Variants in DCHS2 observed in about 807,000 individuals in gnomAD.
DCHS2 encodes the protein protocadherin-23.
Under a neutral mutation model 182.4 loss-of-function variants are expected in DCHS2, and 142 were observed. The ratio of observed to expected loss-of-function variants is 0.78; its 90% CI spans 0.68 to 0.89. The LOEUF is 0.89. Among genes scored for constraint, DCHS2 ranks in the 40% least tolerant of loss-of-function variants. DCHS2 has a pLI of 0.00. For missense variants in DCHS2, 4,319 were observed against 4,198.6 expected (o/e 1.03, Z -0.79); for synonymous variants, 1,740 against 1,663.3 (o/e 1.05, Z -1.12).
Position 154,235,483 on chromosome 4 carries a change from C to T in DCHS2, c.9169G>A (p.Asp3057Asn), listed in dbSNP as rs373906914. 4.3e-6 allele frequency: 7 copies of T among 1,613,848 alleles called. No individual in the cohort carries two copies. Among genetic ancestry groups the T allele is most frequent in the African/African-American group, 4.0e-5 (3 of 74,912 alleles). ...SVLKAFQKTD[D>N]CSNEVVPVDA... The stretch of plus-strand genomic sequence containing the variant: ...ACAGGGACCACCTCGTTACTGCAGT[C>T]GTCAGTTTTCTGGAAGGCTTTGAGC... The change falls in exon 20 of 20, where the codon GAC (aspartate) becomes AAC (asparagine). Residue 3057 changes from aspartate (D) to asparagine (N), a missense_variant. By Grantham distance (23) the Asp-to-Asn change is conservative. Coordinates refer to ENST00000357232, the MANE Select transcript of DCHS2 (RefSeq NM_001358235.2).
intron 19 of DCHS2, 37 bp from the exon 20 acceptor site, chr4:154,237,196 T>C (rs750603354): frequency 1.3e-6 from 2 of 1,555,158 alleles, no homozygotes; most frequent in Admixed American, 1.8e-5. Flanking sequence ...CACTGTGAGG[T>C]GCAGTTTTGA....
chr4:154,484,458 T>C (rs114169566), intron 1 of DCHS2, among the ~76,000 whole-genome samples: 2,854 of 152,238 alleles, frequency 0.019, 80 homozygotes, highest in African/African-American at 0.063. Context: ...CTCCCATGTC[T>C]CCAAAACAGC....
chr4:154,304,431 C>G (rs1042405115), intron 12 of DCHS2, among the ~76,000 whole-genome samples: 2 of 152,036 alleles, frequency 1.3e-5, no homozygotes, highest in African/African-American at 4.8e-5. Context: ...TAGAGAAAAG[C>G]AACAGGTATC....
At chr4:154,441,679 A>G (rs995022191) in intron 1 of DCHS2, among the ~76,000 whole-genome samples, 5 of 152,080 alleles carry the variant, frequency 3.3e-5, no homozygotes, top group African/African-American at 4.8e-5. Context: ...TCAATTTAAT[A>G]TAGTTTAAAA....
intron 1 of DCHS2, among the ~76,000 whole-genome samples, chr4:154,390,102 A>T (rs1236524896): frequency 3.8e-5 from 5 of 132,268 alleles, no homozygotes; most frequent in African/African-American, 1.5e-4. Flanking sequence ...TATTTTTTTA[A>T]ATTTTTTTAT....
In DCHS2 at chr4:154,240,768, A is replaced by C; in HGVS notation, c.7128T>G (p.Asn2376Lys). The C allele has an allele frequency of 6.2e-7, 1 of 1,613,936 alleles. No individual in the cohort carries two copies. The highest frequency in any genetic ancestry group is 8.5e-7 in the Non-Finnish European group (1 of 1,179,892). The change falls in exon 18 of 20, where the codon AAT becomes AAG. Residue 2376 changes from asparagine (N) to lysine (K), a missense_variant. Transcript: ENST00000357232. ...THVSVHDVDLNSAFIFSFAKE... is the reference protein window; with the variant it reads ...THVSVHDVDLKSAFIFSFAKE... ...TGGCAAAACTGAATATGAAAGCTGAATTCAAATCCACATCATGAACTGACA... is the reference window on the plus strand; with the variant it reads ...TGGCAAAACTGAATATGAAAGCTGACTTCAAATCCACATCATGAACTGACA...
At chr4:154,394,000 T>A (rs1420997311) in intron 1 of DCHS2, among the ~76,000 whole-genome samples, 1 of 152,182 alleles carries the variant, frequency 6.6e-6, no homozygotes, top group African/African-American at 2.4e-5. Flanking sequence ...AGATTTATCA[T>A]GCAGTTAAAA....
At chr4:154,468,229 TG>T (rs1229747056) in intron 1 of DCHS2, among the ~76,000 whole-genome samples, 1 of 152,180 alleles carries the variant, frequency 6.6e-6, no homozygotes, top group African/African-American at 2.4e-5. Flanking sequence ...TGGTTTAGAA[TG>T]TTTTTTCAGC....
chr4:154,404,218 T>C (rs2110878120), intron 1 of DCHS2, among the ~76,000 whole-genome samples: 1 of 152,314 alleles, frequency 6.6e-6, no homozygotes, highest in South Asian at 2.1e-4. Context: ...GTATTTTTAT[T>C]ACCATTCAAT....
At chr4:154,297,757 T>C (rs1223533707) in intron 13 of DCHS2, 94 bp downstream of exon 13, 4 of 1,510,134 alleles carry the variant, frequency 2.6e-6, no homozygotes, top group African/African-American at 2.8e-5. Context: ...AATGTATAAC[T>C]GAATGCGCAA....
intron 13 of DCHS2, among the ~76,000 whole-genome samples, chr4:154,291,875 G>A (rs149129540): frequency 1.7e-4 from 26 of 152,176 alleles, no homozygotes; most frequent in East Asian, 5.8e-4. Context: ...AATGAATAAG[G>A]TCTAGTATTT....
At chr4:154,484,982 A>C (rs1417158428) in intron 1 of DCHS2, among the ~76,000 whole-genome samples, 1 of 152,264 alleles carries the variant, frequency 6.6e-6, no homozygotes, top group Non-Finnish European at 1.5e-5. Context: ...AAAAATGTAC[A>C]TAACAGAGAA....
At chr4:154,351,167 TGGGAAAAAG>T (rs1441282819) in intron 3 of DCHS2, among the ~76,000 whole-genome samples, 1 of 151,838 alleles carries the variant, frequency 6.6e-6, no homozygotes, top group African/African-American at 2.4e-5. Context: ...GGACAACAGG[TGGGAAAAAG>T]GGGGCAATTG....
rs1270995162 is a variant in DCHS2 at position 154,490,959 on chromosome 4, G to A, written c.397C>T (p.Arg133Cys). The A allele has an allele frequency of 2.6e-6, 4 of 1,550,330 alleles. No homozygotes were observed. Among genetic ancestry groups the A allele is most frequent in the South Asian group, 1.2e-5 (1 of 83,990 alleles). The change falls in exon 1 of 20, where the codon CGC becomes TGC. Residue 133 changes from arginine (R) to cysteine (C), a missense_variant. Coordinates refer to ENST00000357232, the MANE Select transcript of DCHS2 (RefSeq NM_001358235.2). ...GIIRTARRLD[R>C]ERRDHYSFVA... ...AAGCTGTAGTGGTCCCGCCGCTCGC[G>A]GTCCAGGCGCCGCGCAGTGCGGATG...
At chr4:154,354,644 A>C (rs1033411186) in intron 3 of DCHS2, 1 of 152,198 alleles carries the variant, frequency 6.6e-6, no homozygotes, top group Non-Finnish European at 1.5e-5. Flanking sequence ...TTTTCCTTAA[A>C]TATCACTTTC....
chr4:154,439,900 C>G (rs527813626), intron 1 of DCHS2, among the ~76,000 whole-genome samples: 1 of 152,222 alleles, frequency 6.6e-6, no homozygotes, highest in East Asian at 1.9e-4. Flanking sequence ...CCAGGTCCTG[C>G]TAATACTACT....
At chr4:154,405,021 T>C (rs1207162724) in intron 1 of DCHS2, among the ~76,000 whole-genome samples, 1 of 152,104 alleles carries the variant, frequency 6.6e-6, no homozygotes, top group Non-Finnish European at 1.5e-5. Flanking sequence ...CTGAGGTGGC[T>C]GGATCACCTG....
intron 1 of DCHS2, among the ~76,000 whole-genome samples, chr4:154,472,455 T>C (rs974452536): frequency 1.3e-5 from 2 of 152,180 alleles, no homozygotes; most frequent in Admixed American, 6.5e-5. Context: ...TTAAATCAAA[T>C]GTTGTGGGAT....
At chr4:154,453,523 T>C (rs1202033907) in intron 1 of DCHS2, among the ~76,000 whole-genome samples, 1 of 152,112 alleles carries the variant, frequency 6.6e-6, no homozygotes, top group East Asian at 1.9e-4. Flanking sequence ...CCTCTCCTCG[T>C]CAATGCCTAA....
Sources: allele counts gnomAD v4.1 joint callset (sites outside exome capture counted in the v4.1 genomes callset), GRCh38; gene constraint gnomAD v4.1.1; transcripts MANE v1.5; gene names NCBI Gene and HGNC (gene_info 2026-07-23, HGNC 2026-07-21).